Variants in CSAD observed in about 807,000 individuals in gnomAD.
The protein encoded by CSAD is cysteine sulfinic acid decarboxylase, also known as P-selectin cytoplasmic tail-associated protein.
CSAD carries 47 observed loss-of-function variants against 61.5 expected under a neutral mutation model. The ratio of observed to expected loss-of-function variants is 0.76; its 90% confidence interval spans 0.60 to 0.97. The LOEUF (loss-of-function observed/expected upper bound fraction) is 0.97, where lower values mean the gene tolerates loss of function less well. CSAD is among the 50% of genes least tolerant of loss of function. CSAD has a pLI of 0.00. For missense variants in CSAD, 611 were observed against 643.6 expected, an observed-to-expected ratio of 0.95 and a Z score of 0.55; for synonymous variants, 245 against 252.7, an observed-to-expected ratio of 0.97 and a Z score of 0.29.
intron 2 of CSAD, among the ~76,000 whole-genome samples, chr12:53,175,627 C>T (rs1941046880): frequency 6.6e-6 from 1 of 152,122 alleles, no homozygotes; most frequent in African/African-American, 2.4e-5. Flanking sequence ...TGTTAGTTTC[C>T]ATCTTCTTGA....
At position 53,171,353 on chromosome 12, in the gene CSAD, C is replaced by T. The variant is rs143141533; in HGVS notation, c.540G>A (p.Pro180=). ...DCKQRGLRTL[P]PLALFTSKEC... Reference sequence around the variant, plus strand: ...CCTTCGATGTGAATAGGGCCAGGGGCGGCAGTGTGCGGAGGCCCCTCTGCT... The same window carrying T: ...CCTTCGATGTGAATAGGGCCAGGGGTGGCAGTGTGCGGAGGCCCCTCTGCT... Residue 180 remains proline (P), a synonymous_variant, in exon 8 of 17, where the codon CCG becomes CCA. Transcript: ENST00000444623. 1.2e-5 allele frequency: 20 copies of T among 1,613,968 alleles called. No individual in the cohort carries two copies. In the East Asian group the frequency reaches 3.1e-4, roughly 25 times the overall value.
Position 53,160,322 on chromosome 12 carries a change from G to A in CSAD, c.967-3C>T. 6.2e-7 allele frequency: 1 copy of A among 1,614,104 alleles called. No homozygotes were observed. The highest frequency in any genetic ancestry group is 8.5e-7 in the Non-Finnish European group (1 of 1,179,984). ...CCATGGCAGCGCTTGAGCAGGTTCT[G>A]TGTGGGGGTGAGGAGATTGTCAGAC... On this transcript the variant is annotated splice_region_variant and splice_polypyrimidine_tract_variant and intron_variant, in intron 13 of 16. Transcript: ENST00000444623.
Position 53,172,406 on chromosome 12 carries a change from G to T in CSAD, c.284C>A (p.Ser95Tyr). The T allele has an allele frequency of 6.2e-7, 1 of 1,614,168 alleles. No homozygotes were observed. Among genetic ancestry groups the T allele is most frequent in the South Asian group, 1.1e-5 (1 of 91,086 alleles). The change falls in exon 6 of 17, where the codon TCT becomes TAT. Residue 95 changes from serine to tyrosine, a missense_variant. By Grantham distance (144) the Ser-to-Tyr change is moderately radical. Transcript: ENST00000444623. ...GHPRFFNQLF[S>Y]GLDPHALAGR... is the part of the protein sequence containing the mutation. Reference sequence around the variant, plus strand: ...GGCCAGAGCATGGGGATCCAACCCAGAGAAGAGCTGGTTGAAGAACCGAGG... The same window carrying T: ...GGCCAGAGCATGGGGATCCAACCCATAGAAGAGCTGGTTGAAGAACCGAGG...
At chr12:53,166,767 G>C (rs1939989984) in intron 10 of CSAD, among the ~76,000 whole-genome samples, 1 of 152,100 alleles carries the variant, frequency 6.6e-6, no homozygotes, top group Non-Finnish European at 1.5e-5. Flanking sequence ...CTGCCCTCTA[G>C]CCTGGGGGAC....
chr12:53,173,159 G>C (rs994562465), intron 4 of CSAD, 186 bp downstream of exon 4: 10 of 573,692 alleles, frequency 1.7e-5, no homozygotes, highest in Non-Finnish European at 2.7e-5. Flanking sequence ...AGTGAGCCAA[G>C]ATTGTGCCAC....
chr12:53,157,908 CT>C lies in CSAD; in HGVS notation c.*602del, dbSNP rs966159156. ...TTTTGAACACAGCTCAAATATTACT[CT>C]ATATAAAGACTTGTATTCAGCTTTT... On this transcript the variant is annotated 3_prime_UTR_variant, in exon 17 of 17. Transcript: ENST00000444623. The C allele has an allele frequency of 6.6e-6, 1 of 151,788 alleles. No homozygotes were observed. The allele number at this position is 151,788 out of a possible 1,614,324, so 9.4% of individuals were successfully genotyped here.
chr12:53,174,148 C>A (rs528977286), intron 2 of CSAD, among the ~76,000 whole-genome samples: 1 of 151,616 alleles, frequency 6.6e-6, no homozygotes, highest in African/African-American at 2.4e-5. Flanking sequence ...ACTAAAAATA[C>A]AAAAAATTAG....
rs2121397495 is a variant in CSAD at position 53,161,189 on chromosome 12, A to T, written c.822T>A (p.Ala274=). Residue 274 remains alanine, a splice_region_variant and synonymous_variant, in exon 12 of 17, where the codon GCT becomes GCA. Transcript: ENST00000444623. ...QRHGLWLHVD[A]AWGGSVLLSQ... ...ACAGCAGGACGCTCCCACCCCAGGC[A>T]GCCTGTGGAGCAGGAGGAACAACGT... 1 of 1,614,162 alleles carries T rather than the reference A, an allele frequency of 6.2e-7. No individual in the cohort carries two copies. The highest frequency in any genetic ancestry group is 8.5e-7 in the Non-Finnish European group (1 of 1,180,034).
Position 53,159,834 on chromosome 12 carries a change from G to C in CSAD, c.1218+53C>G. On this transcript the variant is annotated intron_variant, in intron 15 of 16. Transcript: ENST00000444623. ...CTAGGGCTTTAGTTGGGGCTTGGGG[G>C]CTGCAAAAGAGCTAGGCTGGGGCAG... 4.5e-6 allele frequency: 7 copies of C among 1,552,150 alleles called. No homozygotes were observed. The South Asian group carries it at 8.2e-5, about 18-fold the overall frequency.
At chr12:53,171,530 A>C in intron 7 of CSAD, 89 bp from the exon 8 acceptor site, 13 of 1,303,514 alleles carry the variant, frequency 1.0e-5, no homozygotes, top group South Asian at 1.3e-5. Context: ...AGAAGAGCTC[A>C]TCAAAGAAGC....
chr12:53,158,529 C>T lies in CSAD; in HGVS notation c.1464G>A (p.Arg488=). 1 of 1,613,212 alleles carries T rather than the reference C, an allele frequency of 6.2e-7. No individual in the cohort carries two copies. Residue 488 remains arginine (R), a synonymous_variant, in exon 17 of 17, where the codon CGG becomes CGA. Coordinates refer to ENST00000444623, the MANE Select transcript of CSAD (RefSeq NM_001244705.2). ...DMDFLLNELE[R]LGQDL Reference sequence around the variant, plus strand: ...AGAAGGCTCACAGGTCCTGGCCTAGCCGCTCCAGCTCGTTGAGGAGGAAGT... The same window carrying T: ...AGAAGGCTCACAGGTCCTGGCCTAGTCGCTCCAGCTCGTTGAGGAGGAAGT...
Position 53,173,465 on chromosome 12 carries a change from A to T in CSAD, c.6T>A (p.Ala2=). The T allele has an allele frequency of 6.2e-7, 1 of 1,614,182 alleles. No homozygotes were observed. The highest frequency in any genetic ancestry group is 1.7e-5 in the Admixed American group (1 of 60,022). ...CAAGGGAGGGGAGTGCTTCTGAGTC[A>T]GCCATCAGGATCTGTGGCAGAGCAG... M[A]DSEALPSLAG... Residue 2 remains alanine, a synonymous_variant, in exon 4 of 17, where the codon GCT becomes GCA. Coordinates refer to ENST00000444623, the MANE Select transcript of CSAD (RefSeq NM_001244705.2).
chr12:53,158,820 A>G, intron 16 of CSAD, 136 bp from the exon 17 acceptor site: 1 of 744,998 alleles, frequency 1.3e-6, no homozygotes, highest in Non-Finnish European at 2.2e-6. Context: ...CACCTTGCTC[A>G]GACCTTGACC....
intron 10 of CSAD, among the ~76,000 whole-genome samples, chr12:53,162,561 C>T (rs1386353401): frequency 6.6e-6 from 1 of 152,148 alleles, no homozygotes; most frequent in Non-Finnish European, 1.5e-5. Flanking sequence ...AAGTGAAACT[C>T]TGTCTCTAAA....
intron 4 of CSAD, among the ~76,000 whole-genome samples, chr12:53,172,902 T>C (rs1940754493): frequency 6.6e-6 from 1 of 152,004 alleles, no homozygotes; most frequent in African/African-American, 2.4e-5. Flanking sequence ...TGAGCCAGAT[T>C]TGGAAAGAGA....
chr12:53,173,570 A>G (rs1240790980), intron 3 of CSAD, 94 bp from the exon 4 acceptor site: 4 of 1,602,360 alleles, frequency 2.5e-6, no homozygotes, highest in Non-Finnish European at 3.4e-6. Flanking sequence ...CCTGAGGCCC[A>G]AACCCTGCAG....
intron 7 of CSAD, 52 bp from the exon 8 acceptor site, chr12:53,171,493 G>A (rs771092980): frequency 1.3e-6 from 2 of 1,558,620 alleles, no homozygotes; most frequent in South Asian, 1.1e-5. Context: ...GGTCAAGACT[G>A]GAGCTTGCCT....
At chr12:53,181,311 G>A (rs1941619041), upstream of CSAD, 8 of 985,420 alleles carry the variant, frequency 8.1e-6, no homozygotes, top group Non-Finnish European at 9.6e-6. Context: ...GATGGCCCTT[G>A]AGCTTTCCTC....
In CSAD at chr12:53,160,326, G is replaced by T. The variant is rs748577252; in HGVS notation, c.967-7C>A. 1.2e-6 allele frequency: 2 copies of T among 1,613,966 alleles called. No individual in the cohort carries two copies. The highest frequency in any genetic ancestry group is 4.5e-5 in the East Asian group (2 of 44,882). ...GGCAGCGCTTGAGCAGGTTCTGTGT[G>T]GGGGTGAGGAGATTGTCAGACCCTA... On this transcript the variant is annotated splice_region_variant and splice_polypyrimidine_tract_variant and intron_variant, in intron 13 of 16. Coordinates refer to ENST00000444623, the MANE Select transcript of CSAD (RefSeq NM_001244705.2).
Sources: allele counts gnomAD v4.1 joint callset (sites outside exome capture counted in the v4.1 genomes callset), GRCh38; gene constraint gnomAD v4.1.1; transcripts MANE v1.5; gene names NCBI Gene and HGNC (gene_info 2026-07-23, HGNC 2026-07-21).